Variants in TLL1 observed in about 807,000 individuals in gnomAD.
TLL1 encodes tolloid-like protein 1.
A neutral mutation model predicts 128.2 loss-of-function variants in TLL1; 49 were observed. The ratio of observed to expected loss-of-function variants is 0.38; its 90% CI spans 0.30 to 0.48. TLL1 has a LOEUF of 0.48. Ranked by LOEUF, TLL1 falls within the 20% of genes least tolerant of loss-of-function variation. The pLI, the probability that TLL1 is intolerant of heterozygous loss-of-function variation, is 0.96. For synonymous variants in TLL1, 454 were observed against 418.8 expected (o/e 1.08, Z -1.03); for missense variants, 1,123 against 1,242.0 (o/e 0.90, Z 1.44).
chr4:165,880,664 A>G (rs1730932769), intron 1 of TLL1, among the ~76,000 whole-genome samples: 1 of 152,176 alleles, frequency 6.6e-6, no homozygotes, highest in South Asian at 2.1e-4. Context: ...GTTGTTACGG[A>G]GGTGGAGATA....
At chr4:166,041,612 T>C (rs998774962) in intron 10 of TLL1, among the ~76,000 whole-genome samples, 1 of 152,080 alleles carries the variant, frequency 6.6e-6, no homozygotes, top group African/African-American at 2.4e-5. Context: ...AGCACATTCT[T>C]AACCAAGTCA....
chr4:166,030,914 T>G (rs1404593153), intron 9 of TLL1: 1 of 982,762 alleles, frequency 1.0e-6, no homozygotes, highest in Non-Finnish European at 1.2e-6. Context: ...CTGGATATAG[T>G]TGGCTGCACA....
At chr4:165,881,849 G>A (rs1288332099) in intron 1 of TLL1, among the ~76,000 whole-genome samples, 2 of 152,166 alleles carry the variant, frequency 1.3e-5, no homozygotes, top group African/African-American at 4.8e-5. Flanking sequence ...TTGGATGTGG[G>A]TAGAATTTAG....
chr4:166,061,288 C>T (rs1740302359), intron 15 of TLL1, among the ~76,000 whole-genome samples: 1 of 150,490 alleles, frequency 6.6e-6, no homozygotes, highest in Admixed American at 6.6e-5. Flanking sequence ...CTCTGTTGCC[C>T]AGGCTGGAGT....
At chr4:166,053,973 A>G (rs902210616) in intron 12 of TLL1, among the ~76,000 whole-genome samples, 1 of 152,120 alleles carries the variant, frequency 6.6e-6, no homozygotes, top group African/African-American at 2.4e-5. Context: ...CAATTTATAA[A>G]TTTTGTTTTT....
intron 1 of TLL1, among the ~76,000 whole-genome samples, chr4:165,978,649 G>T (rs1736001506): frequency 6.6e-6 from 1 of 152,132 alleles, no homozygotes; most frequent in Non-Finnish European, 1.5e-5. Flanking sequence ...TGTTTCCAAA[G>T]AACTTCGGAT....
chr4:166,101,858 G>A lies in TLL1; in HGVS notation c.*982G>A, dbSNP rs962531043. 5 of 152,418 alleles carry A rather than the reference G, an allele frequency of 3.3e-5. No homozygotes were observed. The highest frequency in any genetic ancestry group is 2.9e-5 in the Non-Finnish European group (2 of 67,938). The allele number at this position is 152,418 out of a possible 1,614,324, so 9.4% of individuals were successfully genotyped here. ...TATTTTTTAAAATTGAAATGAAGCA[G>A]AAGTAGGCCTTGTGAGAACTGAAAG... On this transcript the variant is annotated 3_prime_UTR_variant, in exon 21 of 21. Coordinates refer to ENST00000061240, the MANE Select transcript of TLL1 (RefSeq NM_012464.5).
At chr4:165,949,660 AAC>A (rs1469763776) in intron 1 of TLL1, among the ~76,000 whole-genome samples, 1 of 152,076 alleles carries the variant, frequency 6.6e-6, no homozygotes, top group Non-Finnish European at 1.5e-5. Context: ...GGCAGACGAG[AAC>A]AGAGAGAGTC....
chr4:166,040,203 G>T (rs1739182089), intron 10 of TLL1, among the ~76,000 whole-genome samples: 1 of 152,148 alleles, frequency 6.6e-6, no homozygotes, highest in South Asian at 2.1e-4. Flanking sequence ...TTGCATTGAT[G>T]AACTGTACAG....
intron 1 of TLL1, among the ~76,000 whole-genome samples, chr4:165,894,996 T>G (rs1731607366): frequency 6.6e-6 from 1 of 152,138 alleles, no homozygotes. Context: ...GTGACCATCA[T>G]TCAGTATAAC....
intron 1 of TLL1, among the ~76,000 whole-genome samples, chr4:165,911,014 C>T (rs915457815): frequency 6.6e-5 from 10 of 152,106 alleles, no homozygotes; most frequent in Non-Finnish European, 1.2e-4. Flanking sequence ...TCACTTTGAG[C>T]ATTTATCATT....
At chr4:165,967,893 G>A (rs1735464863) in intron 1 of TLL1, among the ~76,000 whole-genome samples, 2 of 152,206 alleles carry the variant, frequency 1.3e-5, no homozygotes, top group Non-Finnish European at 2.9e-5. Context: ...ACTTTATATT[G>A]AGTGTATCCT....
intron 1 of TLL1, among the ~76,000 whole-genome samples, chr4:165,888,116 TTTTAA>T (rs1731244383): frequency 6.6e-6 from 1 of 152,164 alleles, no homozygotes; most frequent in Non-Finnish European, 1.5e-5. Flanking sequence ...GTCCCTCTGT[TTTTAA>T]TTTAATTTAA....
At chr4:165,962,324 C>G (rs1232184564) in intron 1 of TLL1, among the ~76,000 whole-genome samples, 1 of 152,136 alleles carries the variant, frequency 6.6e-6, no homozygotes, top group Non-Finnish European at 1.5e-5. Context: ...TGAAAAAATT[C>G]TCAACATCAC....
intron 10 of TLL1, 142 bp downstream of exon 10, chr4:166,039,583 C>G: frequency 1.5e-6 from 1 of 667,488 alleles, no homozygotes; most frequent in South Asian, 1.7e-5. Flanking sequence ...CTTTTTTCAA[C>G]CATACCAAAA....
chr4:166,060,911 C>T (rs144752031), intron 15 of TLL1, among the ~76,000 whole-genome samples: 7 of 152,242 alleles, frequency 4.6e-5, no homozygotes, highest in Middle Eastern at 6.8e-3. Context: ...AGGTTATAAA[C>T]GTTTGTTTTG....
At chr4:166,076,898 C>A (rs1397925153) in intron 17 of TLL1, among the ~76,000 whole-genome samples, 1 of 152,150 alleles carries the variant, frequency 6.6e-6, no homozygotes, top group Non-Finnish European at 1.5e-5. Flanking sequence ...TTAATGATTG[C>A]AGCAGTGGGG....
At chr4:166,035,192 G>A (rs538944440) in intron 9 of TLL1, among the ~76,000 whole-genome samples, 70 of 152,300 alleles carry the variant, frequency 4.6e-4, no homozygotes, top group Middle Eastern at 3.4e-3. Context: ...AAAGTCAGAT[G>A]TTATCACATA....
intron 2 of TLL1, 50 bp from the exon 3 acceptor site, chr4:165,992,754 A>G (rs1736704179): frequency 1.3e-6 from 2 of 1,543,814 alleles, no homozygotes; most frequent in African/African-American, 1.4e-5. Context: ...TTTTATTTGC[A>G]AGAACTTTAA....
Sources: gnomAD v4.1 joint callset for allele counts (sites outside exome capture counted in the v4.1 genomes callset) on GRCh38, gnomAD v4.1.1 for gene constraint, MANE v1.5 for transcripts, NCBI Gene and HGNC (gene_info 2026-07-23, HGNC 2026-07-21) for gene names.